EZH1: variants seen among roughly 807,000 people sequenced by gnomAD.
EZH1 encodes enhancer of zeste 1 polycomb repressive complex 2 subunit.
Under a neutral mutation model 100.5 loss-of-function variants are expected in EZH1, and 33 were observed. The ratio of observed to expected loss-of-function variants is 0.33; its 90% CI spans 0.25 to 0.44. The LOEUF (loss-of-function observed/expected upper bound fraction) is 0.44, where lower values mean the gene tolerates loss of function less well. Ranked by LOEUF, EZH1 falls within the 20% of genes least tolerant of loss-of-function variation. The pLI, the probability that EZH1 is intolerant of heterozygous loss-of-function variation, is 1.00. For synonymous variants in EZH1, 272 were observed against 313.8 expected (o/e 0.87, Z 1.41); for missense variants, 475 against 928.4 (o/e 0.51, Z 6.35).
intron 17 of EZH1, 62 bp from the exon 18 acceptor site, chr17:42,704,745 T>A (rs2053316366): frequency 2.2e-6 from 3 of 1,374,342 alleles, no homozygotes; most frequent in Non-Finnish European, 3.1e-6. Context: ...CATGGTACCC[T>A]GCCCCCAGAA....
intron 12 of EZH1, among the ~76,000 whole-genome samples, chr17:42,711,280 C>A (rs1370328096): frequency 6.6e-6 from 1 of 152,190 alleles, no homozygotes; most frequent in Admixed American, 6.5e-5. Flanking sequence ...TTGAGACCAG[C>A]CTGGCCAACA....
rs1260038243 is a variant in EZH1, at chr17:42,704,627, G to T, written c.1992C>A (p.Ser664=). ...RRGKVYDKYM[S]SFLFNLNNDF... Reference sequence around the variant, plus strand: ...CATTATTGAGGTTGAAGAGGAAGCTGGACATGTATTTGTCATAGACCTTTC... The same window carrying T: ...CATTATTGAGGTTGAAGAGGAAGCTTGACATGTATTTGTCATAGACCTTTC... Residue 664 remains serine (S), a synonymous_variant, in exon 18 of 21, where the codon TCC becomes TCA. Transcript: ENST00000428826. 9.3e-6 allele frequency: 15 copies of T among 1,613,854 alleles called. No homozygotes were observed. Among genetic ancestry groups the T allele is most frequent in the Middle Eastern group, 1.7e-4 (1 of 6,060 alleles).
intron 10 of EZH1, among the ~76,000 whole-genome samples, chr17:42,715,284 A>T (rs59941203): frequency 0.013 from 1,850 of 144,958 alleles, 27 homozygotes; most frequent in African/African-American, 0.033. Flanking sequence ...ATATATATAT[A>T]TTTTTTTGAG....
chr17:42,713,744 T>A (rs956104884), intron 10 of EZH1, among the ~76,000 whole-genome samples: 2 of 152,160 alleles, frequency 1.3e-5, no homozygotes, highest in Admixed American at 6.6e-5. Context: ...CACACGCACA[T>A]GTCACCATGC....
chr17:42,731,498 C>T (rs1422363816), intron 1 of EZH1, among the ~76,000 whole-genome samples: 1 of 152,106 alleles, frequency 6.6e-6, no homozygotes, highest in Non-Finnish European at 1.5e-5. Flanking sequence ...ACACTAAATA[C>T]ATGTAAAAAT....
intron 1 of EZH1, among the ~76,000 whole-genome samples, chr17:42,738,884 C>T (rs181475965): frequency 2.6e-5 from 4 of 151,808 alleles, no homozygotes; most frequent in East Asian, 1.9e-4. Flanking sequence ...CTCCACCCCC[C>T]CTGAGTAGCT....
At chr17:42,742,871 C>CT (rs200989200) in intron 1 of EZH1, among the ~76,000 whole-genome samples, 173 of 149,510 alleles carry the variant, frequency 1.2e-3, no homozygotes, top group African/African-American at 3.7e-3. Context: ...TTCTCTCTCC[C>CT]TTTTTTTTTT....
At chr17:42,703,028 G>A in intron 19 of EZH1, 67 bp from the exon 20 acceptor site, 1 of 1,491,294 alleles carries the variant, frequency 6.7e-7, no homozygotes, top group Admixed American at 1.7e-5. Context: ...GTAGGCTTCT[G>A]GGTTGATTTT....
rs1047191263 is a variant in EZH1 at position 42,735,073 on chromosome 17, G to T, written c.-102-4155C>A. ...GGAGGGAAGGAAACAGAAAGGCAGG[G>T]AGGGAAAGAAAAGAAAAAAGAAGTA... On this transcript the variant is annotated intron_variant, in intron 1 of 20. Transcript: ENST00000428826. Among the ~76,000 whole-genome samples the T allele has an allele frequency of 2.6e-5, 4 of 152,166 alleles. No individual in the cohort carries two copies. In the East Asian group the frequency reaches 7.7e-4, roughly 29 times the overall value.
intron 1 of EZH1, among the ~76,000 whole-genome samples, chr17:42,734,015 C>T (rs2054013774): frequency 6.7e-6 from 1 of 150,264 alleles, no homozygotes; most frequent in Non-Finnish European, 1.5e-5. Context: ...ACACATATAC[C>T]ACAATAAGCT....
intron 12 of EZH1, 74 bp from the exon 13 acceptor site, chr17:42,710,011 C>T: frequency 7.5e-7 from 1 of 1,341,730 alleles, no homozygotes; most frequent in Non-Finnish European, 1.1e-6. Flanking sequence ...TGGGTGCTGG[C>T]CTTGGGAGGG....
At chr17:42,735,720 G>A (rs1276668856) in intron 1 of EZH1, among the ~76,000 whole-genome samples, 1 of 152,198 alleles carries the variant, frequency 6.6e-6, no homozygotes, top group African/African-American at 2.4e-5. Context: ...GGATGTGGTG[G>A]CTCATGCCTG....
At chr17:42,721,717 A>G (rs2053709654) in intron 6 of EZH1, among the ~76,000 whole-genome samples, 1 of 151,878 alleles carries the variant, frequency 6.6e-6, no homozygotes, top group Non-Finnish European at 1.5e-5. Context: ...AGAAATAACT[A>G]GGGTATTTTG....
chr17:42,716,691 T>C (rs2053611122), intron 10 of EZH1, among the ~76,000 whole-genome samples: 1 of 152,070 alleles, frequency 6.6e-6, no homozygotes, highest in Non-Finnish European at 1.5e-5. Flanking sequence ...GATGAAGTAA[T>C]TTCATTTTAT....
Position 42,708,099 on chromosome 17 carries a change from G to A in EZH1, c.1535-16C>T, listed in dbSNP as rs573763330. 6 of 1,590,658 alleles carry A rather than the reference G, an allele frequency of 3.8e-6. No individual in the cohort carries two copies. The highest frequency in any genetic ancestry group is 8.6e-7 in the Non-Finnish European group (1 of 1,169,120). ...GAAGAGTTATCTAGGAAAGAAAACA[G>A]AGGAGGATGCTGCTGTGACCATACT... On this transcript the variant is annotated splice_polypyrimidine_tract_variant and intron_variant, in intron 14 of 20. Coordinates refer to ENST00000428826, the MANE Select transcript of EZH1 (RefSeq NM_001991.5).
At chr17:42,716,722 G>A (rs1314413515) in intron 10 of EZH1, among the ~76,000 whole-genome samples, 1 of 151,204 alleles carries the variant, frequency 6.6e-6, no homozygotes, top group East Asian at 1.9e-4. Context: ...TTTTTGAGAT[G>A]GAGTCTCACT....
At chr17:42,714,626 C>A in intron 10 of EZH1, 1 of 309,972 alleles carries the variant, frequency 3.2e-6, no homozygotes, top group Non-Finnish European at 6.5e-6. Flanking sequence ...AAGGCACAAG[C>A]AGAGTCAGAA....
At chr17:42,732,017 G>A (rs1007127472) in intron 1 of EZH1, 4 of 151,342 alleles carry the variant, frequency 2.6e-5, no homozygotes, top group Admixed American at 6.6e-5. Flanking sequence ...TATTTTTTTC[G>A]CTGAGGTGAG....
intron 19 of EZH1, 75 bp from the exon 20 acceptor site, chr17:42,703,036 T>C: frequency 7.2e-7 from 1 of 1,397,874 alleles, no homozygotes; most frequent in Non-Finnish European, 1.0e-6. Context: ...CTGGGTTGAT[T>C]TTCTCCAAAT....
Sources: allele counts gnomAD v4.1 joint callset (sites outside exome capture counted in the v4.1 genomes callset), GRCh38; gene constraint gnomAD v4.1.1; transcripts MANE v1.5; gene names NCBI Gene and HGNC (gene_info 2026-07-23, HGNC 2026-07-21).